The following CNGB1 variants were observed in gnomAD, a reference collection of about 807,000 sequenced individuals.
CNGB1 encodes cyclic nucleotide gated channel subunit beta 1.
A neutral mutation model predicts 151.7 loss-of-function variants in CNGB1; 126 were observed. The observed-to-expected ratio is 0.83, with a 90% CI of 0.72 to 0.96. The LOEUF (loss-of-function observed/expected upper bound fraction) is 0.96, where lower values mean the gene tolerates loss of function less well. Ranked by LOEUF, CNGB1 falls within the 40% of genes least tolerant of loss-of-function variation. The pLI, the probability that CNGB1 is intolerant of heterozygous loss-of-function variation, is 0.00. For synonymous variants in CNGB1, 623 were observed against 635.1 expected (o/e 0.98, Z 0.29); for missense variants, 1,698 against 1,627.0 (o/e 1.04, Z -0.75).
At chr16:57,890,325 G>C (rs1302528776) in intron 31 of CNGB1, among the ~76,000 whole-genome samples, 4 of 152,230 alleles carry the variant, frequency 2.6e-5, no homozygotes, top group Admixed American at 2.0e-4. Flanking sequence ...ACACAAACAT[G>C]ATAATTCACC....
chr16:57,956,723 T>TTGAA (rs796915918), intron 12 of CNGB1, among the ~76,000 whole-genome samples: 10 of 152,236 alleles, frequency 6.6e-5, no homozygotes, highest in South Asian at 2.1e-4. Flanking sequence ...TAACTATGTA[T>TTGAA]TGAATGAATG....
intron 17 of CNGB1, among the ~76,000 whole-genome samples, chr16:57,929,512 G>A (rs1188673526): frequency 6.6e-6 from 1 of 150,806 alleles, no homozygotes; most frequent in Non-Finnish European, 1.5e-5. Context: ...TAATTTATAA[G>A]GAAAAGAGGT....
chr16:57,955,022 T>C, intron 12 of CNGB1: 2 of 1,197,622 alleles, frequency 1.7e-6, no homozygotes, highest in Non-Finnish European at 2.1e-6. Context: ...GTGCTGGGAT[T>C]ACAGGCGTGA....
chr16:57,944,769 A>C (rs59577466), intron 14 of CNGB1, among the ~76,000 whole-genome samples: 1 of 151,864 alleles, frequency 6.6e-6, no homozygotes, highest in African/African-American at 2.4e-5. Context: ...AGCCTGGCCA[A>C]TTTGGCAAAA....
rs149028808 is a variant in CNGB1, at chr16:57,903,589, C to G, written c.2794+233G>C. The stretch of plus-strand genomic sequence containing the variant: ...GGGTAAAGTGAGGGGGGCAGGCACA[C>G]AGAAGACAAGCCCCCCGTCTCCAGG... On this transcript the variant is annotated intron_variant, in intron 27 of 32. Transcript: ENST00000251102. Among the ~76,000 whole-genome samples the G allele has an allele frequency of 3.7e-3, 556 of 152,288 alleles. 4 individuals carry two copies. Among genetic ancestry groups the G allele is most frequent in the African/African-American group, 0.013 (520 of 41,560 alleles).
intron 18 of CNGB1, 57 bp downstream of exon 18, chr16:57,923,216 A>ACATCCCCCCCCCCCCCCCCC: frequency 9.9e-7 from 1 of 1,014,456 alleles, no homozygotes; most frequent in Admixed American, 1.9e-5. Flanking sequence ...TAGCCCCCCC[A>ACATCCCCCCCCCCCCCCCCC]CATCCCCCAC....
intron 1 of CNGB1, among the ~76,000 whole-genome samples, chr16:57,970,574 A>T (rs1285630209): frequency 6.6e-6 from 1 of 151,952 alleles, no homozygotes; most frequent in African/African-American, 2.4e-5. Flanking sequence ...AGGCCTGTAG[A>T]CCCTTCCCAG....
intron 14 of CNGB1, among the ~76,000 whole-genome samples, chr16:57,942,866 A>C (rs1368047753): frequency 1.3e-5 from 2 of 151,550 alleles, no homozygotes; most frequent in Admixed American, 1.3e-4. Context: ...CTGTCTCAAA[A>C]AAAAAAAAAA....
At chr16:57,922,363 G>T (rs141162958) in intron 18 of CNGB1, among the ~76,000 whole-genome samples, 1 of 151,888 alleles carries the variant, frequency 6.6e-6, no homozygotes, top group African/African-American at 2.4e-5. Flanking sequence ...CCTGGGGACA[G>T]TTCGATCTCA....
intron 17 of CNGB1, among the ~76,000 whole-genome samples, chr16:57,924,597 G>A (rs914656576): frequency 9.9e-5 from 15 of 152,232 alleles, no homozygotes; most frequent in African/African-American, 3.4e-4. Context: ...ATCAGGATGA[G>A]CATCAGATCA....
intron 22 of CNGB1, among the ~76,000 whole-genome samples, chr16:57,915,875 G>A (rs1324043633): frequency 3.4e-5 from 5 of 147,126 alleles, no homozygotes; most frequent in Non-Finnish European, 4.5e-5. Context: ...TCCAGCCTGG[G>A]AGACAGAGTT....
At chr16:57,889,066 G>A (rs531455243) in intron 31 of CNGB1, among the ~76,000 whole-genome samples, 16 of 152,196 alleles carry the variant, frequency 1.1e-4, no homozygotes, top group African/African-American at 3.4e-4. Flanking sequence ...TTAAACAATC[G>A]AATACAACAA....
intron 17 of CNGB1, among the ~76,000 whole-genome samples, chr16:57,927,329 C>T (rs1167049849): frequency 2.6e-5 from 4 of 152,174 alleles, no homozygotes; most frequent in African/African-American, 9.7e-5. Context: ...CTTTTTGGCT[C>T]CCAATGTTCA....
At position 57,960,857 on chromosome 16, in the gene CNGB1, G is replaced by T; in HGVS notation, c.517C>A (p.Pro173Thr). The T allele has an allele frequency of 6.2e-7, 1 of 1,613,992 alleles. No individual in the cohort carries two copies. The highest frequency in any genetic ancestry group is 8.5e-7 in the Non-Finnish European group (1 of 1,179,962). The change falls in exon 8 of 33, where the codon CCC becomes ACC. Residue 173 changes from proline (P) to threonine (T), a missense_variant. Pro to Thr is a conservative substitution (Grantham distance 38). Transcript: ENST00000251102. ...TGGCTCACCTCAGAGGATTTGGGGGGCTGAGGAAGCACTCTTTCCAGATTC... is the reference window on the plus strand; with the variant it reads ...TGGCTCACCTCAGAGGATTTGGGGGTCTGAGGAAGCACTCTTTCCAGATTC... Reference protein sequence around the residue: ...EQNLERVLPQPPKSSEVWRDE... With the variant: ...EQNLERVLPQTPKSSEVWRDE...
At chr16:57,944,622 A>T (rs1961755768) in intron 14 of CNGB1, among the ~76,000 whole-genome samples, 1 of 152,178 alleles carries the variant, frequency 6.6e-6, no homozygotes, top group African/African-American at 2.4e-5. Flanking sequence ...ATTCAAAACA[A>T]CAATTATACA....
intron 10 of CNGB1, among the ~76,000 whole-genome samples, chr16:57,959,275 A>G (rs766571600): frequency 4.6e-5 from 7 of 152,072 alleles, no homozygotes; most frequent in Non-Finnish European, 1.0e-4. Context: ...ACCTGTGTGA[A>G]TAAAAGCACT....
rs559591083 is a variant in CNGB1, at chr16:57,901,435, C to T, written c.2893G>A (p.Gly965Ser). Residue 965 changes from glycine (G) to serine (S), a missense_variant and splice_region_variant, in exon 29 of 33, where the codon GGC (glycine) becomes AGC (serine). Gly to Ser is a moderately conservative substitution (Grantham distance 56). Transcript: ENST00000251102. ...NIVSKVALFQ[G>S]CDRQMIFDML... ...TCAAAGATCATCTGCCGGTCACAGC[C>T]CTGTCCCGGTGAGGAAGGGAAAGGA... The T allele has an allele frequency of 3.7e-6, 6 of 1,614,082 alleles. No homozygotes were observed. The highest frequency in any genetic ancestry group is 2.2e-5 in the South Asian group (2 of 91,088).
At chr16:57,890,360 C>T (rs190852441) in intron 31 of CNGB1, among the ~76,000 whole-genome samples, 2 of 152,186 alleles carry the variant, frequency 1.3e-5, no homozygotes, top group Admixed American at 6.5e-5. Context: ...CGCGCCAGCT[C>T]GGCACTGTCC....
chr16:57,917,019 C>T (rs1960885101), intron 21 of CNGB1, among the ~76,000 whole-genome samples: 1 of 152,172 alleles, frequency 6.6e-6, no homozygotes, highest in Non-Finnish European at 1.5e-5. Context: ...GACCACTTCT[C>T]TATCTTTGAT....
Sources: allele counts gnomAD v4.1 joint callset (sites outside exome capture counted in the v4.1 genomes callset), GRCh38; gene constraint gnomAD v4.1.1; transcripts MANE v1.5; gene names NCBI Gene and HGNC (gene_info 2026-07-23, HGNC 2026-07-21).